QTMAN: variants seen among roughly 807,000 people sequenced by gnomAD.
QTMAN encodes the protein tRNA-queuosine alpha-mannosyltransferase.
the QTMAN span, among the ~76,000 whole-genome samples, chr2:144,133,212 T>C: frequency 3.8e-5 from 3 of 78,280 alleles, no homozygotes; most frequent in African/African-American, 5.7e-5. Flanking sequence ...TATTTATATA[T>C]ACATATATAA....
chr2:144,186,071 G>A, the QTMAN span, among the ~76,000 whole-genome samples: 1 of 152,292 alleles, frequency 6.6e-6, no homozygotes, highest in South Asian at 2.1e-4. Flanking sequence ...TTTACAGCTA[G>A]ACAGTCCATC....
chr2:144,243,824 G>T, the QTMAN span, among the ~76,000 whole-genome samples: 1 of 152,118 alleles, frequency 6.6e-6, no homozygotes, highest in Non-Finnish European at 1.5e-5. Flanking sequence ...AGGACTAAAA[G>T]ATTGGTACTT....
At chr2:143,978,133 T>A in the QTMAN span, among the ~76,000 whole-genome samples, 1 of 152,232 alleles carries the variant, frequency 6.6e-6, no homozygotes, top group Non-Finnish European at 1.5e-5. Flanking sequence ...CCCATTCTCA[T>A]TTTCTTGGAT....
chr2:144,266,519 C>T, the QTMAN span, among the ~76,000 whole-genome samples: 1 of 152,214 alleles, frequency 6.6e-6, no homozygotes, highest in East Asian at 1.9e-4. Context: ...ATATCTAGAT[C>T]AGTGACTGAG....
At chr2:144,054,196 AT>A in the QTMAN span, among the ~76,000 whole-genome samples, 1 of 152,152 alleles carries the variant, frequency 6.6e-6, no homozygotes, top group African/African-American at 2.4e-5. Flanking sequence ...TCAAAAAAAA[AT>A]TTAAAAACCA....
chr2:143,983,350 A>G, the QTMAN span, among the ~76,000 whole-genome samples: 1 of 152,106 alleles, frequency 6.6e-6, no homozygotes. Context: ...CATTTACTGA[A>G]TTGGAAATTT....
At chr2:144,204,002 G>C in the QTMAN span, among the ~76,000 whole-genome samples, 2 of 151,788 alleles carry the variant, frequency 1.3e-5, no homozygotes, top group Non-Finnish European at 2.9e-5. Context: ...AATTCAAGAT[G>C]GATTAAAGAC....
chr2:144,097,201 T>C, the QTMAN span, among the ~76,000 whole-genome samples: 2 of 152,250 alleles, frequency 1.3e-5, no homozygotes, highest in African/African-American at 2.4e-5. Context: ...CCTTTCTCTG[T>C]TCACAGTATT....
At chr2:144,109,220 G>A in the QTMAN span, among the ~76,000 whole-genome samples, 1 of 152,144 alleles carries the variant, frequency 6.6e-6, no homozygotes, top group Non-Finnish European at 1.5e-5. Flanking sequence ...TAATAGAACA[G>A]AGCCCTCAGA....
the QTMAN span, among the ~76,000 whole-genome samples, chr2:144,104,459 T>C: frequency 3.9e-4 from 60 of 152,290 alleles, no homozygotes; most frequent in Admixed American, 3.9e-3. Context: ...CAGGAGATTA[T>C]ATCCTGCGCC....
chr2:143,976,625 A>G, the QTMAN span, among the ~76,000 whole-genome samples: 1 of 152,196 alleles, frequency 6.6e-6, no homozygotes, highest in East Asian at 1.9e-4. Context: ...CCACGCCTGC[A>G]GCTTCTACTT....
the QTMAN span, among the ~76,000 whole-genome samples, chr2:144,104,259 G>A: frequency 2.6e-5 from 4 of 152,144 alleles, no homozygotes; most frequent in Non-Finnish European, 4.4e-5. Context: ...GGACAGTGGG[G>A]GCAGAACAGT....
At chr2:144,079,339 C>G in the QTMAN span, among the ~76,000 whole-genome samples, 16 of 152,122 alleles carry the variant, frequency 1.1e-4, no homozygotes, top group South Asian at 3.1e-3. Flanking sequence ...AAATCAACAG[C>G]AATTTTACTG....
At chr2:144,307,498 C>T in the QTMAN span, among the ~76,000 whole-genome samples, 1 of 152,120 alleles carries the variant, frequency 6.6e-6, no homozygotes, top group Non-Finnish European at 1.5e-5. Context: ...TAACACTGTC[C>T]TCATCTGTGC....
At chr2:144,247,234 T>C in the QTMAN span, among the ~76,000 whole-genome samples, 1 of 152,118 alleles carries the variant, frequency 6.6e-6, no homozygotes, top group Non-Finnish European at 1.5e-5. Flanking sequence ...AAGAAAAAAA[T>C]TGAAATGTAT....
chr2:144,138,932 C>T, the QTMAN span, among the ~76,000 whole-genome samples: 1 of 151,890 alleles, frequency 6.6e-6, no homozygotes, highest in African/African-American at 2.4e-5. Flanking sequence ...ATGTTTAGTC[C>T]ATGATTATAG....
chr2:144,167,948 C>T, the QTMAN span, among the ~76,000 whole-genome samples: 10 of 152,080 alleles, frequency 6.6e-5, no homozygotes, highest in Non-Finnish European at 1.3e-4. Flanking sequence ...TTTATCAGCT[C>T]GGGCCACAAA....
the QTMAN span, among the ~76,000 whole-genome samples, chr2:144,300,551 C>G: frequency 2.0e-5 from 3 of 152,110 alleles, no homozygotes; most frequent in Non-Finnish European, 4.4e-5. Context: ...TACAAAGGAA[C>G]CAAACTATGT....
chr2:144,251,321 A>C, the QTMAN span, among the ~76,000 whole-genome samples: 1 of 152,218 alleles, frequency 6.6e-6, no homozygotes, highest in Admixed American at 6.5e-5. Flanking sequence ...GGTATGGTGA[A>C]ACAGACAAAT....
Sources: allele counts gnomAD v4.1 joint callset (sites outside exome capture counted in the v4.1 genomes callset), GRCh38; gene constraint gnomAD v4.1.1; transcripts MANE v1.5; gene names NCBI Gene and HGNC (gene_info 2026-07-23, HGNC 2026-07-21).